The following MAGI1 variants were observed in gnomAD, a reference collection of about 807,000 sequenced individuals.
MAGI1 encodes membrane-associated guanylate kinase, WW and PDZ domain-containing protein 1.
A neutral mutation model predicts 139.9 loss-of-function variants in MAGI1; 58 were observed. That is an observed-to-expected ratio of 0.41 (90% CI 0.34 to 0.52). The LOEUF is 0.52. MAGI1 is among the 20% of genes least tolerant of loss of function. MAGI1 has a pLI of 0.12. For missense variants in MAGI1, 1,874 were observed against 1,901.6 expected (o/e 0.99, Z 0.27); for synonymous variants, 812 against 737.9 (o/e 1.10, Z -1.63).
intron 2 of MAGI1, among the ~76,000 whole-genome samples, chr3:65,569,267 C>T (rs2080827010): frequency 6.6e-6 from 1 of 152,032 alleles, no homozygotes; most frequent in Admixed American, 6.6e-5. Flanking sequence ...TTGTGGTTAC[C>T]AGGGGCGAGA....
At chr3:65,456,380 T>C (rs1329846742) in intron 5 of MAGI1, among the ~76,000 whole-genome samples, 1 of 146,422 alleles carries the variant, frequency 6.8e-6, no homozygotes, top group East Asian at 2.0e-4. Flanking sequence ...TGGTTTGATA[T>C]TTTTTTTTTT....
chr3:65,819,426 C>T (rs1337325024), intron 1 of MAGI1, among the ~76,000 whole-genome samples: 1 of 152,166 alleles, frequency 6.6e-6, no homozygotes, highest in African/African-American at 2.4e-5. Flanking sequence ...TCCCTCCACC[C>T]TCACATTGGT....
intron 2 of MAGI1, among the ~76,000 whole-genome samples, chr3:65,494,457 T>A (rs1952276299): frequency 6.6e-6 from 1 of 152,272 alleles, no homozygotes; most frequent in African/African-American, 2.4e-5. Flanking sequence ...AGAATGTGGT[T>A]TACACATAAG....
chr3:65,716,278 C>T (rs1448871490), intron 1 of MAGI1, among the ~76,000 whole-genome samples: 1 of 152,088 alleles, frequency 6.6e-6, no homozygotes, highest in Non-Finnish European at 1.5e-5. Flanking sequence ...GATTGTAATC[C>T]CAAAGGGATT....
intron 8 of MAGI1, among the ~76,000 whole-genome samples, chr3:65,440,852 TATAC>T (rs1948259357): frequency 5.9e-5 from 1 of 16,816 alleles, no homozygotes; most frequent in African/African-American, 1.3e-4. Context: ...TATACATATG[TATAC>T]ATATATATGT....
chr3:65,833,389 G>A (rs977937799), intron 1 of MAGI1, among the ~76,000 whole-genome samples: 6 of 152,036 alleles, frequency 3.9e-5, no homozygotes, highest in African/African-American at 2.4e-5. Flanking sequence ...AAAGTGCTGG[G>A]ATTACAGGTT....
chr3:65,914,533 T>C (rs2061810724), intron 1 of MAGI1, among the ~76,000 whole-genome samples: 1 of 152,120 alleles, frequency 6.6e-6, no homozygotes. Flanking sequence ...TCACGCTCAA[T>C]TCAATTAAAA....
At chr3:65,996,277 C>A (rs1324189421) in intron 1 of MAGI1, among the ~76,000 whole-genome samples, 1 of 152,098 alleles carries the variant, frequency 6.6e-6, no homozygotes, top group African/African-American at 2.4e-5. Flanking sequence ...TCTTCACCTG[C>A]AACACAGAAC....
chr3:66,034,906 G>A (rs2068833967), intron 1 of MAGI1, among the ~76,000 whole-genome samples: 1 of 151,896 alleles, frequency 6.6e-6, no homozygotes, highest in South Asian at 2.1e-4. Flanking sequence ...AGGGGGAGGG[G>A]GGAATTAACT....
intron 1 of MAGI1, among the ~76,000 whole-genome samples, chr3:65,753,361 C>G (rs1449592015): frequency 6.6e-6 from 1 of 152,158 alleles, no homozygotes; most frequent in Non-Finnish European, 1.5e-5. Context: ...TGCATATTAT[C>G]TCACTGAATC....
rs1553725756 is a variant in MAGI1, at chr3:65,897,897, G to GGA, written c.313+140098_313+140099insTC. Among the ~76,000 whole-genome samples, 8 of 148,370 alleles carry GGA rather than the reference G, an allele frequency of 5.4e-5. No homozygotes were observed. The East Asian group carries it at 6.0e-4, about 11-fold the overall frequency. On this transcript the variant is annotated intron_variant, in intron 1 of 22. Transcript: ENST00000402939. ...AAAAAAGAAAGAAAGGAAAAGGGGG[G>GGA]AAAAAAAAAACTTAATGGAAAGCAT...
At chr3:65,975,826 G>C (rs2065238704) in intron 1 of MAGI1, among the ~76,000 whole-genome samples, 2 of 152,142 alleles carry the variant, frequency 1.3e-5, no homozygotes, top group African/African-American at 4.8e-5. Flanking sequence ...TATCAAGCCT[G>C]AGTATCCTTA....
Position 65,430,858 on chromosome 3 carries a change from G to C in MAGI1, c.1387C>G (p.Pro463Ala), listed in dbSNP as rs763905797. Residue 463 changes from proline (P) to alanine (A), a missense_variant, in exon 11 of 23, where the codon CCT becomes GCT. Pro to Ala is a conservative substitution (Grantham distance 27). Transcript: ENST00000402939. ...ATGAACTTGCCTTTCAACTCAGAAG[G>C]GTTTCGTGTAAAAAAGGGTTTGCCT... is the stretch of plus-strand genomic sequence containing the variant. ...LQGKPFFTRNPSELKGKFIHT... is the reference protein window; with the variant it reads ...LQGKPFFTRNASELKGKFIHT... 1.2e-6 allele frequency: 2 copies of C among 1,613,106 alleles called. No individual in the cohort carries two copies. The highest frequency in any genetic ancestry group is 1.7e-5 in the Admixed American group (1 of 59,866).
chr3:65,525,589 C>T (rs1334487352), intron 2 of MAGI1, among the ~76,000 whole-genome samples: 1 of 152,116 alleles, frequency 6.6e-6, no homozygotes, highest in Non-Finnish European at 1.5e-5. Context: ...TCTTTACTTT[C>T]AACGAATGCT....
At chr3:65,378,672 C>T (rs898332079) in intron 17 of MAGI1, among the ~76,000 whole-genome samples, 12 of 148,758 alleles carry the variant, frequency 8.1e-5, no homozygotes, top group African/African-American at 3.0e-4. Context: ...TCTTTTCTTT[C>T]CTTTCCTTTT....
intron 2 of MAGI1, among the ~76,000 whole-genome samples, chr3:65,572,250 CAATT>C (rs776499942): frequency 6.6e-6 from 1 of 151,948 alleles, no homozygotes; most frequent in Non-Finnish European, 1.5e-5. Context: ...TTTTTATAAA[CAATT>C]AAATTAATAC....
intron 1 of MAGI1, among the ~76,000 whole-genome samples, chr3:65,878,640 ATAAAAG>A (rs1177478195): frequency 2.6e-5 from 4 of 152,328 alleles, no homozygotes; most frequent in Non-Finnish European, 4.4e-5. Flanking sequence ...GAAGGAAGAA[ATAAAAG>A]TAAAAGATAA....
chr3:65,856,325 T>C (rs2059377806), intron 1 of MAGI1, among the ~76,000 whole-genome samples: 1 of 150,838 alleles, frequency 6.6e-6, no homozygotes, highest in African/African-American at 2.4e-5. Context: ...ACTTTCTCTA[T>C]ACCAATCAAA....
intron 2 of MAGI1, among the ~76,000 whole-genome samples, chr3:65,554,520 C>T (rs1418359015): frequency 6.6e-6 from 1 of 152,128 alleles, no homozygotes; most frequent in Admixed American, 6.5e-5. Context: ...GGGTGATCAC[C>T]TCTCTTAATG....
Sources: gnomAD v4.1 joint callset for allele counts (sites outside exome capture counted in the v4.1 genomes callset) on GRCh38, gnomAD v4.1.1 for gene constraint, MANE v1.5 for transcripts, NCBI Gene and HGNC (gene_info 2026-07-23, HGNC 2026-07-21) for gene names.